Variants in MEOX2 observed in about 807,000 individuals in gnomAD.
MEOX2 encodes the protein homeobox protein MOX-2.
MEOX2 carries 11 observed loss-of-function variants against 27.0 expected under a neutral mutation model. The ratio of observed to expected loss-of-function variants is 0.41; its 90% CI spans 0.26 to 0.68. The LOEUF (loss-of-function observed/expected upper bound fraction) is 0.68, where lower values mean the gene tolerates loss of function less well. Ranked by LOEUF, MEOX2 falls within the 30% of genes least tolerant of loss-of-function variation. MEOX2 has a pLI of 0.33. For missense variants in MEOX2, 436 were observed against 385.4 expected (o/e 1.13, Z -1.10); for synonymous variants, 189 against 155.4 (o/e 1.22, Z -1.61).
chr7:15,616,369 G>C (rs973907977), intron 2 of MEOX2, among the ~76,000 whole-genome samples: 2 of 151,574 alleles, frequency 1.3e-5, no homozygotes, highest in African/African-American at 4.8e-5. Flanking sequence ...ATAAAATATT[G>C]GAGTGAATTA....
At chr7:15,655,758 T>C (rs2115380009) in intron 1 of MEOX2, among the ~76,000 whole-genome samples, 1 of 151,940 alleles carries the variant, frequency 6.6e-6, no homozygotes, top group Middle Eastern at 3.4e-3. Context: ...TTAAGATTTG[T>C]TTTATAGTTC....
chr7:15,638,409 T>G (rs1781515449), intron 1 of MEOX2, among the ~76,000 whole-genome samples: 1 of 152,194 alleles, frequency 6.6e-6, no homozygotes, highest in Non-Finnish European at 1.5e-5. Flanking sequence ...ACACTTAAAA[T>G]ACTTTGTTTT....
At chr7:15,627,254 A>T (rs866820070) in intron 1 of MEOX2, among the ~76,000 whole-genome samples, 3 of 152,100 alleles carry the variant, frequency 2.0e-5, no homozygotes, top group Admixed American at 6.6e-5. Context: ...CTGTTTCATA[A>T]GTTGTTGAAC....
In MEOX2 at chr7:15,686,138, G is replaced by T; in HGVS notation, c.265C>A (p.Gln89Lys). 6.3e-7 allele frequency: 1 copy of T among 1,582,628 alleles called. No homozygotes were observed. Among genetic ancestry groups the T allele is most frequent in the Non-Finnish European group, 8.6e-7 (1 of 1,165,554 alleles). ...HHQQQQHQALQTNWHLPQMSS... is the reference protein window; with the variant it reads ...HHQQQQHQALKTNWHLPQMSS... ...ATCTGCGGGAGGTGCCAGTTGGTTT[G>T]CAGAGCCTGGTGCTGCTGCTGCTGA... is the stretch of plus-strand genomic sequence containing the variant. Residue 89 changes from glutamine (Q) to lysine (K), a missense_variant, in exon 1 of 3, where the codon CAA (glutamine) becomes AAA (lysine). Coordinates refer to ENST00000262041, the MANE Select transcript of MEOX2 (RefSeq NM_005924.5).
chr7:15,629,422 C>T (rs973242536), intron 1 of MEOX2, among the ~76,000 whole-genome samples: 6 of 152,084 alleles, frequency 3.9e-5, no homozygotes, highest in African/African-American at 1.2e-4. Flanking sequence ...AAATTATTTA[C>T]TGAATGCTTG....
chr7:15,640,596 C>T (rs185328196), intron 1 of MEOX2, among the ~76,000 whole-genome samples: 1 of 152,182 alleles, frequency 6.6e-6, no homozygotes, highest in East Asian at 1.9e-4. Flanking sequence ...GCATACTTTT[C>T]TTCTTTCAGT....
chr7:15,617,133 G>A (rs1781137100), intron 2 of MEOX2, among the ~76,000 whole-genome samples: 1 of 152,008 alleles, frequency 6.6e-6, no homozygotes, highest in Non-Finnish European at 1.5e-5. Flanking sequence ...CACCATAAAT[G>A]TCTGTGTTTT....
chr7:15,658,253 TG>T (rs1389448037), intron 1 of MEOX2, among the ~76,000 whole-genome samples: 5 of 151,968 alleles, frequency 3.3e-5, no homozygotes, highest in African/African-American at 9.6e-5. Context: ...GCAGGGGAGG[TG>T]GGAGGAAGAT....
chr7:15,623,117 A>T (rs1320317105), intron 2 of MEOX2, among the ~76,000 whole-genome samples: 1 of 152,202 alleles, frequency 6.6e-6, no homozygotes, highest in Non-Finnish European at 1.5e-5. Flanking sequence ...CTGCATTGCA[A>T]ATTACAGAAG....
intron 1 of MEOX2, among the ~76,000 whole-genome samples, chr7:15,636,797 G>A (rs1431329289): frequency 6.6e-6 from 1 of 152,026 alleles, no homozygotes; most frequent in East Asian, 1.9e-4. Context: ...AGAAGTGCAC[G>A]ATCAAGGCAG....
intron 1 of MEOX2, among the ~76,000 whole-genome samples, chr7:15,637,684 A>C (rs1042031572): frequency 4.6e-5 from 7 of 152,068 alleles, no homozygotes; most frequent in Admixed American, 2.0e-4. Context: ...TATAACTTGT[A>C]CAGTTCTGTT....
intron 1 of MEOX2, among the ~76,000 whole-genome samples, chr7:15,650,614 C>T (rs2115376689): frequency 6.6e-6 from 1 of 151,828 alleles, no homozygotes; most frequent in East Asian, 1.9e-4. Context: ...GTGCAGGGCA[C>T]AAAGATAAAT....
chr7:15,655,660 T>C (rs1054343265), intron 1 of MEOX2, among the ~76,000 whole-genome samples: 2 of 151,816 alleles, frequency 1.3e-5, no homozygotes, highest in African/African-American at 4.8e-5. Flanking sequence ...AATTTCTGTG[T>C]TTGGAAATTT....
chr7:15,672,100 A>C (rs539219650), intron 1 of MEOX2, among the ~76,000 whole-genome samples: 1 of 151,356 alleles, frequency 6.6e-6, no homozygotes, highest in East Asian at 1.9e-4. Flanking sequence ...TTAAAAAAAA[A>C]CAAAAAAAAC....
At chr7:15,663,429 T>C (rs1016176909) in intron 1 of MEOX2, among the ~76,000 whole-genome samples, 1 of 151,258 alleles carries the variant, frequency 6.6e-6, no homozygotes, top group African/African-American at 2.4e-5. Flanking sequence ...TCCTCCCGGG[T>C]TTAAGCAAGT....
chr7:15,626,125 A>C (rs1224262314), intron 2 of MEOX2, among the ~76,000 whole-genome samples: 1 of 152,110 alleles, frequency 6.6e-6, no homozygotes, highest in Non-Finnish European at 1.5e-5. Context: ...TGACATGGCT[A>C]ATTTCCAGGT....
At chr7:15,655,989 ATTAG>A (rs1009658959) in intron 1 of MEOX2, among the ~76,000 whole-genome samples, 1 of 151,846 alleles carries the variant, frequency 6.6e-6, no homozygotes, top group South Asian at 2.1e-4. Flanking sequence ...AATTTCTCCT[ATTAG>A]TTCTATCAGT....
rs188098323 is a variant in MEOX2, at chr7:15,661,889, C to T, written c.517+23997G>A. Among the ~76,000 whole-genome samples the T allele has an allele frequency of 4.5e-3, 688 of 152,248 alleles. 3 individuals are homozygous for T. Among genetic ancestry groups the T allele is most frequent in the Admixed American group, 7.1e-3 (109 of 15,300 alleles). On this transcript the variant is annotated intron_variant, in intron 1 of 2. Coordinates refer to ENST00000262041, the MANE Select transcript of MEOX2 (RefSeq NM_005924.5). ...TGGCAAACATAGATGCTACTACCTC[C>T]ATAATTGCACAACTACATACTGTAA...
rs549100349 is a variant in MEOX2 at position 15,672,007 on chromosome 7, C to G, written c.517+13879G>C. Among the ~76,000 whole-genome samples the G allele has an allele frequency of 8.7e-4, 132 of 152,052 alleles. 1 individual carries two copies. Among genetic ancestry groups the G allele is most frequent in the African/African-American group, 3.0e-3 (125 of 41,470 alleles). ...GCGTGGGTGGCTGAGGAAGGAGAAT[C>G]ACTTGAACCCAGGAGGCGGGGGTTG... is the stretch of plus-strand genomic sequence containing the variant. On this transcript the variant is annotated intron_variant, in intron 1 of 2. Transcript: ENST00000262041.
Sources: allele counts gnomAD v4.1 joint callset (sites outside exome capture counted in the v4.1 genomes callset), GRCh38; gene constraint gnomAD v4.1.1; transcripts MANE v1.5; gene names NCBI Gene and HGNC (gene_info 2026-07-23, HGNC 2026-07-21).